PELP1: variants seen among roughly 807,000 people sequenced by gnomAD.
PELP1 encodes proline, glutamate and leucine rich protein 1.
PELP1 carries 32 observed loss-of-function variants against 95.5 expected under a neutral mutation model. The observed-to-expected ratio is 0.34, with a 90% CI of 0.25 to 0.45. The LOEUF is 0.45. Ranked by LOEUF, PELP1 falls within the 20% of genes least tolerant of loss-of-function variation. The probability of loss-of-function intolerance (pLI) is 1.00; values close to 1 mark genes in which losing one functional copy is unlikely to be tolerated. For synonymous variants in PELP1, 668 were observed against 600.1 expected, an observed-to-expected ratio of 1.11 and a Z score of -1.65; for missense variants, 1,358 against 1,444.8, an observed-to-expected ratio of 0.94 and a Z score of 0.97.
chr17:4,676,226 T>C, intron 7 of PELP1, 64 bp from the exon 8 acceptor site: 1 of 1,596,754 alleles, frequency 6.3e-7, no homozygotes, highest in Non-Finnish European at 8.6e-7. Context: ...TCATTTCTGG[T>C]GGACGACCTG....
chr17:4,698,909 A>G (rs1487094915), intron 1 of PELP1, among the ~76,000 whole-genome samples: 2 of 152,172 alleles, frequency 1.3e-5, no homozygotes, highest in Non-Finnish European at 2.9e-5. Flanking sequence ...AAATATGTCA[A>G]AGTAAAAGGA....
At chr17:4,699,742 A>G (rs1482709100) in intron 1 of PELP1, among the ~76,000 whole-genome samples, 1 of 151,144 alleles carries the variant, frequency 6.6e-6, no homozygotes, top group Non-Finnish European at 1.5e-5. Context: ...ATGCGTCACC[A>G]CGCCCAGCTA....
rs2150552396 is a variant in PELP1, at chr17:4,672,605, G to GGC, written c.2385_2386insGC (p.Pro796AlafsTer17). ...GAGGGTGGTGGGGGTGGCAGGGGGG[G>GGC]AAGCCCCTCGGGCACGATCACCACG... On this transcript the variant is annotated frameshift_variant, in exon 16 of 17. Coordinates refer to ENST00000572293, the MANE Select transcript of PELP1 (RefSeq NM_014389.3). LOFTEE classifies it high-confidence loss of function. 1.3e-6 allele frequency: 1 copy of GGC among 742,216 alleles called. No homozygotes were observed. The highest frequency in any genetic ancestry group is 2.2e-6 in the Non-Finnish European group (1 of 457,286). The allele number at this position is 742,216 out of a possible 1,614,324, so 46.0% of individuals were successfully genotyped here. A position where few individuals can be genotyped will look rare whatever the true frequency, so the allele number is the denominator to read the frequency against.
Position 4,671,853 on chromosome 17 carries a change from T to C in PELP1, c.3138A>G (p.Ala1046=). The C allele has an allele frequency of 6.6e-7, 1 of 1,512,768 alleles. No homozygotes were observed. The highest frequency in any genetic ancestry group is 8.8e-7 in the Non-Finnish European group (1 of 1,134,830). 93.7% of individuals were successfully genotyped at this position (1,512,768 alleles called of 1,614,324 possible). The part of the protein sequence containing the change: ...EVEREGESPA[A]GPPPQELVEE... ...CAACAAGCTCCTGGGGAGGGGGCCCTGCCGCAGGGCTTTCCCCTTCCCTCT... is the reference window on the plus strand; with the variant it reads ...CAACAAGCTCCTGGGGAGGGGGCCCCGCCGCAGGGCTTTCCCCTTCCCTCT... Residue 1046 remains alanine (A), a synonymous_variant, in exon 16 of 17, where the codon GCA becomes GCG. Coordinates refer to ENST00000572293, the MANE Select transcript of PELP1 (RefSeq NM_014389.3).
intron 5 of PELP1, 30 bp from the exon 6 acceptor site, chr17:4,676,842 A>G (rs6502806): frequency 1 from 1,536,078 of 1,542,270 alleles, 765,164 homozygotes; most frequent in East Asian, 1. Context: ...GGAAGAGGCC[A>G]GTGAGCCAGC....
rs1300425046 is a variant in PELP1, at chr17:4,671,752, G to C, written c.3239C>G (p.Pro1080Arg). Residue 1080 changes from proline (P) to arginine (R), a missense_variant, in exon 16 of 17, where the codon CCA (proline) becomes CGA (arginine). Transcript: ENST00000572293. ...CATCTCTTCTTCTGCAGGTGTCTCT[G>C]GTGGGGGCTGCACCTTGTCACTCCC... is the stretch of plus-strand genomic sequence containing the variant. Reference protein sequence around the residue: ...EDGSDKVQPPPETPAEEEMET... With the variant: ...EDGSDKVQPPRETPAEEEMET... 5 of 1,529,284 alleles carry C rather than the reference G, an allele frequency of 3.3e-6. No individual in the cohort carries two copies. The highest frequency in any genetic ancestry group is 4.4e-6 in the Non-Finnish European group (5 of 1,143,444). The allele number at this position is 1,529,284 out of a possible 1,614,324, so 94.7% of individuals were successfully genotyped here.
At chr17:4,703,767 ACCTC>A (rs1913645853) in intron 1 of PELP1, 92 bp downstream of exon 1, 2 of 1,066,458 alleles carry the variant, frequency 1.9e-6, no homozygotes, top group African/African-American at 3.2e-5. Flanking sequence ...CCTTCCTTCA[ACCTC>A]CCTATCGCAC....
chr17:4,697,377 G>C (rs1423943325), intron 1 of PELP1, among the ~76,000 whole-genome samples: 2 of 152,092 alleles, frequency 1.3e-5, no homozygotes, highest in African/African-American at 4.8e-5. Flanking sequence ...AGCTGGGTGT[G>C]GGGGCACACA....
intron 1 of PELP1, among the ~76,000 whole-genome samples, chr17:4,698,145 C>T (rs1420549810): frequency 1.3e-5 from 2 of 151,788 alleles, no homozygotes; most frequent in African/African-American, 2.4e-5. Flanking sequence ...CAGGCATGAG[C>T]CACTGCACCT....
Position 4,675,144 on chromosome 17 carries a change from G to A in PELP1, c.1209C>T (p.Pro403=), listed in dbSNP as rs777694749. 2.5e-6 allele frequency: 4 copies of A among 1,613,790 alleles called. No individual in the cohort carries two copies. In the African/African-American group the frequency reaches 4.0e-5, roughly 16 times the overall value. ...RFGILIGRLL[P]QVLNSWSIGR... ...CGATGCTCCAGGAATTGAGGACCTG[G>A]GGAAGCAGGCGGCCGATCAGGATCC... The change falls in exon 11 of 17, where the codon CCC becomes CCT. Residue 403 remains proline, a synonymous_variant. Coordinates refer to ENST00000572293, the MANE Select transcript of PELP1 (RefSeq NM_014389.3). The surrounding 1 kb of genome is among the most constrained non-coding windows in gnomAD (Gnocchi z 4.3).
intron 1 of PELP1, among the ~76,000 whole-genome samples, chr17:4,703,269 C>G (rs867577050): frequency 6.6e-6 from 1 of 152,134 alleles, no homozygotes; most frequent in African/African-American, 2.4e-5. Context: ...GAGCTCTCCT[C>G]TGACTGAACA....
At chr17:4,688,192 G>C (rs562951714) in intron 3 of PELP1, among the ~76,000 whole-genome samples, 3 of 152,050 alleles carry the variant, frequency 2.0e-5, no homozygotes, top group Non-Finnish European at 2.9e-5. Flanking sequence ...AACATTAGCC[G>C]GGCGGGGTGG....
At position 4,675,709 on chromosome 17, in the gene PELP1, CTGTT is replaced by C. The variant is rs1478297955; in HGVS notation, c.1068+84_1068+87del. The C allele has an allele frequency of 1.3e-5, 12 of 925,334 alleles. No individual in the cohort carries two copies. Among genetic ancestry groups the C allele is most frequent in the Non-Finnish European group, 1.9e-5 (11 of 574,606 alleles). The allele number at this position is 925,334 out of a possible 1,614,324, so 57.3% of individuals were successfully genotyped here. ...TCTCTGGGACGACTCCAGGATGACA[CTGTT>C]TGGGGAGACTCAGGTCCCCAGTACT... On this transcript the variant is annotated intron_variant, in intron 9 of 16. Transcript: ENST00000572293. This position sits in a 1 kb window ranked among gnomAD's most constrained non-coding sequence, Gnocchi z 4.3.
In PELP1 at chr17:4,691,053, C is replaced by T; in HGVS notation, c.315-60G>A. Reference sequence around the variant, plus strand: ...GGAGGCTAGACTTCAGAGAAAGTGACTGCTCTTTTATTCTCACTAGGCTAC... The same window carrying T: ...GGAGGCTAGACTTCAGAGAAAGTGATTGCTCTTTTATTCTCACTAGGCTAC... On this transcript the variant is annotated intron_variant, in intron 2 of 16. Coordinates refer to ENST00000572293, the MANE Select transcript of PELP1 (RefSeq NM_014389.3). The T allele has an allele frequency of 4.1e-6, 5 of 1,215,596 alleles. No homozygotes were observed. The South Asian group carries it at 6.1e-5, about 15-fold the overall frequency. 75.3% of individuals were successfully genotyped at this position (1,215,596 alleles called of 1,614,324 possible).
At chr17:4,700,817 C>G (rs1597459722) in intron 1 of PELP1, among the ~76,000 whole-genome samples, 1 of 150,582 alleles carries the variant, frequency 6.6e-6, no homozygotes. Context: ...CCCAGCTACT[C>G]GGGAGGCTGA....
intron 6 of PELP1, 46 bp from the exon 7 acceptor site, chr17:4,676,553 A>C: frequency 6.2e-7 from 1 of 1,607,268 alleles, no homozygotes; most frequent in Non-Finnish European, 8.5e-7. Flanking sequence ...AATCCAGCCC[A>C]GCCACAGAAC....
rs756177334 is a variant in PELP1 at position 4,691,409 on chromosome 17, T to C, written c.283A>G (p.Ser95Gly). ...LSALGALVSL[S>G]NARLSSIKTR... is the part of the protein sequence containing the mutation. ...TTGATGGAACTGAGACGTGCATTAC[T>C]GAGACTCACCAATGCCCCAAGAGCT... Residue 95 changes from serine (S) to glycine (G), a missense_variant, in exon 2 of 17, where the codon AGT becomes GGT. Coordinates refer to ENST00000572293, the MANE Select transcript of PELP1 (RefSeq NM_014389.3). 1.3e-5 allele frequency: 21 copies of C among 1,613,742 alleles called. 1 individual carries two copies. The highest frequency in any genetic ancestry group is 1.7e-4 in the Middle Eastern group (1 of 6,060).
At chr17:4,701,326 G>C (rs1214606431) in intron 1 of PELP1, among the ~76,000 whole-genome samples, 2 of 151,434 alleles carry the variant, frequency 1.3e-5, no homozygotes, top group Non-Finnish European at 2.9e-5. Flanking sequence ...ATGAGAGTTG[G>C]GGGGGTGGGG....
chr17:4,700,938 A>AAAAAAG (rs1913500298), intron 1 of PELP1, among the ~76,000 whole-genome samples: 2 of 149,308 alleles, frequency 1.3e-5, no homozygotes, highest in Non-Finnish European at 1.5e-5. Flanking sequence ...CAAAAAAAAA[A>AAAAAAG]AAAAGAAAAG....
Sources: gnomAD v4.1 joint callset for allele counts (sites outside exome capture counted in the v4.1 genomes callset) on GRCh38, gnomAD v4.1.1 for gene constraint, Gnocchi (gnomAD v3.1) non-coding constraint, MANE v1.5 for transcripts, NCBI Gene and HGNC (gene_info 2026-07-23, HGNC 2026-07-21) for gene names.